Variants in DPP8 observed in about 807,000 individuals in gnomAD.
The protein encoded by DPP8 is DPP VIII.
A neutral mutation model predicts 107.5 loss-of-function variants in DPP8; 31 were observed. That is an observed-to-expected ratio of 0.29 (90% CI 0.22 to 0.39). The LOEUF (loss-of-function observed/expected upper bound fraction) is 0.39. Ranked by LOEUF, DPP8 falls within the 10% of genes least tolerant of loss-of-function variation. DPP8 has a pLI of 1.00. For synonymous variants in DPP8, 381 were observed against 356.6 expected, an observed-to-expected ratio of 1.07 and a Z score of -0.77; for missense variants, 842 against 1,076.1, an observed-to-expected ratio of 0.78 and a Z score of 3.04.
intron 2 of DPP8, among the ~76,000 whole-genome samples, chr15:65,507,638 C>T (rs1596131549): frequency 8.5e-6 from 1 of 116,992 alleles, no homozygotes; most frequent in Admixed American, 1.0e-4. Flanking sequence ...GCCTGGGTAA[C>T]ATAGCAAGAT....
chr15:65,452,920 C>T (rs956778111), intron 17 of DPP8, among the ~76,000 whole-genome samples: 4 of 151,844 alleles, frequency 2.6e-5, no homozygotes, highest in Admixed American at 6.6e-5. Context: ...TGCAGTGAGC[C>T]GAGATCGCAC....
intron 2 of DPP8, among the ~76,000 whole-genome samples, chr15:65,510,127 A>G (rs1016055121): frequency 6.6e-6 from 1 of 152,114 alleles, no homozygotes; most frequent in Non-Finnish European, 1.5e-5. Flanking sequence ...CAGCCTGGAC[A>G]ACATGGCGAA....
intron 8 of DPP8, among the ~76,000 whole-genome samples, chr15:65,483,617 A>C (rs561065029): frequency 5.5e-4 from 83 of 151,140 alleles, no homozygotes; most frequent in African/African-American, 1.9e-3. Flanking sequence ...AATAAAATAA[A>C]ATAAAATAAA....
chr15:65,514,805 C>T (rs1303282281), intron 1 of DPP8, among the ~76,000 whole-genome samples: 2 of 152,136 alleles, frequency 1.3e-5, no homozygotes, highest in Admixed American at 1.3e-4. Flanking sequence ...CCACCGTGCC[C>T]GGCCAACGGA....
chr15:65,516,364 CTGAGAA>C (rs2071437137), intron 1 of DPP8: 1 of 151,308 alleles, frequency 6.6e-6, no homozygotes, highest in African/African-American at 2.4e-5. Context: ...CTGCATTACT[CTGAGAA>C]TAATTTAAAT....
At chr15:65,452,802 T>C (rs1386488321) in intron 17 of DPP8, among the ~76,000 whole-genome samples, 1 of 151,846 alleles carries the variant, frequency 6.6e-6, no homozygotes, top group Non-Finnish European at 1.5e-5. Context: ...TGAAATCTCG[T>C]CTCTACTAAA....
chr15:65,465,659 G>A (rs8027513), intron 14 of DPP8, among the ~76,000 whole-genome samples: 31,700 of 150,282 alleles, frequency 0.21, 4,241 homozygotes, highest in East Asian at 0.72. Flanking sequence ...GGGTTCAAGC[G>A]ATTCTCCTGC....
intron 8 of DPP8, among the ~76,000 whole-genome samples, chr15:65,481,985 C>T (rs1216391443): frequency 2.0e-5 from 3 of 150,908 alleles, no homozygotes; most frequent in South Asian, 2.1e-4. Context: ...TATATATATA[C>T]ACACACTAAT....
chr15:65,461,013 T>C (rs1226221395), intron 15 of DPP8, among the ~76,000 whole-genome samples: 1 of 152,214 alleles, frequency 6.6e-6, no homozygotes, highest in Non-Finnish European at 1.5e-5. Context: ...CTCTTTTTGA[T>C]AACAGCCAAT....
At chr15:65,469,917 C>T (rs1405164818) in intron 12 of DPP8, among the ~76,000 whole-genome samples, 1 of 151,934 alleles carries the variant, frequency 6.6e-6, no homozygotes, top group Admixed American at 6.6e-5. Context: ...GGGTAGATGG[C>T]CAGGTGTGGT....
chr15:65,500,699 A>G lies in DPP8; in HGVS notation c.453T>C (p.Ala151=), dbSNP rs2069128324. 1 of 1,613,764 alleles carries G rather than the reference A, an allele frequency of 6.2e-7. No homozygotes were observed. The highest frequency in any genetic ancestry group is 1.3e-5 in the African/African-American group (1 of 74,894). Residue 151 remains alanine (A), a synonymous_variant, in exon 4 of 20, where the codon GCT becomes GCC. Coordinates refer to ENST00000300141, the MANE Select transcript of DPP8 (RefSeq NM_130434.5). ...ERKRIGTVGI[A]SYDYHQGSGT... ...CACTTCCTTGGTGATAATCGTAAGA[A>G]GCAATTCCGACTGTTCCAATGCGTT...
intron 17 of DPP8, among the ~76,000 whole-genome samples, chr15:65,453,154 C>T (rs1169040639): frequency 6.6e-6 from 1 of 152,108 alleles, no homozygotes; most frequent in Non-Finnish European, 1.5e-5. Context: ...AGCATTTATA[C>T]ATTTAATAAT....
intron 11 of DPP8, among the ~76,000 whole-genome samples, chr15:65,477,142 C>T (rs561035098): frequency 3.8e-4 from 58 of 152,160 alleles, no homozygotes; most frequent in Non-Finnish European, 1.8e-4. Context: ...CATAATCAGC[C>T]GGGTGAGATG....
intron 11 of DPP8, 152 bp from the exon 12 acceptor site, chr15:65,474,440 G>T (rs1359891775): frequency 1.6e-6 from 1 of 614,478 alleles, no homozygotes; most frequent in Admixed American, 2.8e-5. Flanking sequence ...TGGTTGCACA[G>T]CATTGTGAAT....
At position 65,474,256 on chromosome 15, in the gene DPP8, C is replaced by T. The variant is rs185464262; in HGVS notation, c.1489G>A (p.Ala497Thr). The T allele has an allele frequency of 8.7e-6, 14 of 1,612,486 alleles. No individual in the cohort carries two copies. The Admixed American group carries it at 1.5e-4, about 17-fold the overall frequency. Residue 497 changes from alanine to threonine, a missense_variant, in exon 12 of 20, where the codon GCA (alanine) becomes ACA (threonine). Coordinates refer to ENST00000300141, the MANE Select transcript of DPP8 (RefSeq NM_130434.5). ...DFKCPIKEEI[A>T]ITSGEWEVLG... Reference sequence around the variant, plus strand: ...ACTTCCCATTCACCACTGGTAATTGCTATCTCCTCTTTGATAGGACACTTG... The same window carrying T: ...ACTTCCCATTCACCACTGGTAATTGTTATCTCCTCTTTGATAGGACACTTG...
intron 8 of DPP8, among the ~76,000 whole-genome samples, chr15:65,484,867 G>A (rs352457): frequency 0.12 from 18,135 of 151,968 alleles, 1,884 homozygotes; most frequent in African/African-American, 0.29. Context: ...GAATAAAGGC[G>A]AACAGAAAAA....
At position 65,467,161 on chromosome 15, in the gene DPP8, C is replaced by T. The variant is rs1011237672; in HGVS notation, c.1599G>A (p.Glu533=). 2 of 1,614,010 alleles carry T rather than the reference C, an allele frequency of 1.2e-6. No homozygotes were observed. Among genetic ancestry groups the T allele is most frequent in the Non-Finnish European group, 1.7e-6 (2 of 1,180,004 alleles). ...CGTAACTGACTACGTACAGGTGATG[C>T]TCTAAAGGGGAGTCTTTGGTGCCTT... is the stretch of plus-strand genomic sequence containing the variant. ...YFEGTKDSPL[E]HHLYVVSYVN... is the part of the protein sequence containing the mutation. Residue 533 remains glutamate (E), a synonymous_variant, in exon 13 of 20, where the codon GAG becomes GAA. Coordinates refer to ENST00000300141, the MANE Select transcript of DPP8 (RefSeq NM_130434.5).
At chr15:65,508,236 T>C (rs577396638) in intron 2 of DPP8, among the ~76,000 whole-genome samples, 1 of 143,258 alleles carries the variant, frequency 7.0e-6, no homozygotes, top group South Asian at 2.2e-4. Flanking sequence ...CAAGACTCCG[T>C]CTCAAAAAAA....
intron 16 of DPP8, 132 bp from the exon 17 acceptor site, chr15:65,454,547 G>T: frequency 1.3e-6 from 1 of 789,398 alleles, no homozygotes; most frequent in Non-Finnish European, 1.8e-6. Flanking sequence ...TATTTTTTGA[G>T]ATGGAGTCTC....
Sources: allele counts gnomAD v4.1 joint callset (sites outside exome capture counted in the v4.1 genomes callset), GRCh38; gene constraint gnomAD v4.1.1; transcripts MANE v1.5; gene names NCBI Gene and HGNC (gene_info 2026-07-23, HGNC 2026-07-21).